The following MED12L variants were observed in gnomAD, a reference collection of about 807,000 sequenced individuals.
MED12L encodes mediator complex subunit 12L, also known as mediator of RNA polymerase II transcription subunit 12-like protein.
In MED12L, 60 loss-of-function variants were observed where a neutral mutation model predicts 281.3. That is an observed-to-expected ratio of 0.21 (90% CI 0.17 to 0.26). MED12L has a LOEUF of 0.26. MED12L is among the 10% of genes least tolerant of loss of function. The pLI is 1.00. For missense variants in MED12L, 2,146 were observed against 2,680.9 expected (o/e 0.80, Z 4.41); for synonymous variants, 974 against 987.2 (o/e 0.99, Z 0.25).
intron 5 of MED12L, among the ~76,000 whole-genome samples, chr3:151,146,440 A>G (rs1717771956): frequency 6.6e-6 from 1 of 152,072 alleles, no homozygotes; most frequent in African/African-American, 2.4e-5. Flanking sequence ...CTTTTGTGTC[A>G]TGTGCACCTC....
At chr3:151,422,277 G>T (rs1577615405) in intron 43 of MED12L, among the ~76,000 whole-genome samples, 2 of 152,290 alleles carry the variant, frequency 1.3e-5, no homozygotes, top group East Asian at 3.9e-4. Context: ...CCCTAACAAA[G>T]TACGCAAACT....
At chr3:151,281,519 G>A (rs761310769) in intron 16 of MED12L, among the ~76,000 whole-genome samples, 3 of 151,980 alleles carry the variant, frequency 2.0e-5, no homozygotes, top group South Asian at 2.1e-4. Flanking sequence ...AGCCAATAAC[G>A]ACATTATAAT....
At chr3:151,405,456 A>C (rs970043430) in intron 39 of MED12L, among the ~76,000 whole-genome samples, 1 of 152,178 alleles carries the variant, frequency 6.6e-6, no homozygotes, top group Non-Finnish European at 1.5e-5. Context: ...ACCTGCCTAG[A>C]CACAAATATG....
chr3:151,276,705 G>C (rs903020726), intron 16 of MED12L, among the ~76,000 whole-genome samples: 5 of 152,114 alleles, frequency 3.3e-5, no homozygotes, highest in African/African-American at 1.2e-4. Context: ...TTCTTCTTCT[G>C]TTCAGCACTT....
intron 1 of MED12L, 190 bp from the exon 2 acceptor site, chr3:151,086,608 A>C: frequency 1.4e-5 from 3 of 219,394 alleles, no homozygotes; most frequent in Admixed American, 5.6e-5. Flanking sequence ...GAGACAAGGT[A>C]GGGGGGAGCA....
chr3:151,104,482 T>TGGGG (rs1266988679), intron 2 of MED12L, among the ~76,000 whole-genome samples: 1 of 152,168 alleles, frequency 6.6e-6, no homozygotes, highest in Non-Finnish European at 1.5e-5. Context: ...GCGGCCGAGA[T>TGGGG]GTCTGCTTAT....
At chr3:151,173,029 T>G (rs1462628071) in intron 11 of MED12L, among the ~76,000 whole-genome samples, 3 of 152,158 alleles carry the variant, frequency 2.0e-5, no homozygotes, top group Non-Finnish European at 4.4e-5. Context: ...CACACATTGT[T>G]TAGATTGGAG....
At chr3:151,391,165 T>C (rs1229675092) in intron 38 of MED12L, among the ~76,000 whole-genome samples, 2 of 152,208 alleles carry the variant, frequency 1.3e-5, no homozygotes, top group Non-Finnish European at 2.9e-5. Context: ...TTTTAAAAGA[T>C]GAAATAAAGT....
At chr3:151,159,146 T>C (rs1719671936) in intron 7 of MED12L, among the ~76,000 whole-genome samples, 1 of 152,234 alleles carries the variant, frequency 6.6e-6, no homozygotes, top group Admixed American at 6.5e-5. Context: ...CTTTTGAAGA[T>C]AGGGGATCTT....
At chr3:151,218,680 A>G (rs1208631153) in intron 16 of MED12L, among the ~76,000 whole-genome samples, 1 of 151,974 alleles carries the variant, frequency 6.6e-6, no homozygotes, top group Non-Finnish European at 1.5e-5. Context: ...CAGCCTGGCC[A>G]ACATGATGAA....
At chr3:151,256,951 C>G (rs748542562) in intron 16 of MED12L, among the ~76,000 whole-genome samples, 92 of 150,604 alleles carry the variant, frequency 6.1e-4, no homozygotes, top group Non-Finnish European at 8.7e-4. Flanking sequence ...TATCACTTAT[C>G]AAGTCCACAT....
intron 16 of MED12L, among the ~76,000 whole-genome samples, chr3:151,290,879 G>T (rs535195798): frequency 6.6e-6 from 1 of 152,156 alleles, no homozygotes; most frequent in Non-Finnish European, 1.5e-5. Context: ...CCACTAGATG[G>T]TGATGGAAGA....
At chr3:151,275,876 A>G (rs1039145936) in intron 16 of MED12L, among the ~76,000 whole-genome samples, 10 of 152,124 alleles carry the variant, frequency 6.6e-5, no homozygotes, top group African/African-American at 2.4e-4. Context: ...TCAGACTTTT[A>G]GGAGGCAATG....
intron 16 of MED12L, chr3:151,294,299 A>T (rs1744748018): frequency 1.2e-6 from 2 of 1,614,180 alleles, no homozygotes; most frequent in Non-Finnish European, 1.7e-6. Flanking sequence ...CCTACACATG[A>T]AAAAGTAAAT....
intron 16 of MED12L, chr3:151,199,321 A>T: frequency 6.2e-7 from 1 of 1,613,612 alleles, no homozygotes; most frequent in Non-Finnish European, 8.5e-7. Context: ...GGAAAACTAA[A>T]TAAAAAAAAT....
intron 16 of MED12L, among the ~76,000 whole-genome samples, chr3:151,301,901 G>T (rs148838666): frequency 1.3e-5 from 2 of 152,314 alleles, no homozygotes; most frequent in African/African-American, 4.8e-5. Context: ...CCACCTCTAG[G>T]TATCTAGCCA....
chr3:151,355,403 T>A (rs1269944335), intron 18 of MED12L, among the ~76,000 whole-genome samples, 164 bp downstream of exon 18: 1 of 152,248 alleles, frequency 6.6e-6, no homozygotes, highest in Non-Finnish European at 1.5e-5. Context: ...AGTGTCAGGT[T>A]GCCTTCCTCG....
At chr3:151,333,766 C>G (rs4680357) in intron 16 of MED12L, among the ~76,000 whole-genome samples, 4,511 of 152,068 alleles carry the variant, frequency 0.03, 132 homozygotes, top group Admixed American at 0.078. Context: ...AAGATTGTAC[C>G]AATTTATTGT....
Position 151,350,180 on chromosome 3 carries a change from A to G in MED12L, c.2372A>G (p.Asn791Ser), listed in dbSNP as rs1188475734. 1.9e-6 allele frequency: 3 copies of G among 1,613,936 alleles called. No homozygotes were observed. Among genetic ancestry groups the G allele is most frequent in the Middle Eastern group, 1.7e-4 (1 of 6,060 alleles). ...KITKDILKIL[N>S]KKSTTETGVG... ...ACCAAAGATATCCTGAAAATTCTAA[A>G]TAAGAAGAGCACCACAGAGACAGGG... The change falls in exon 17 of 45, where the codon AAT becomes AGT. Residue 791 changes from asparagine (N) to serine (S), a missense_variant. By Grantham distance (46) the Asn-to-Ser change is conservative. Transcript: ENST00000687756.
Sources: gnomAD v4.1 joint callset for allele counts (sites outside exome capture counted in the v4.1 genomes callset) on GRCh38, gnomAD v4.1.1 for gene constraint, MANE v1.5 for transcripts, NCBI Gene and HGNC (gene_info 2026-07-23, HGNC 2026-07-21) for gene names.